CRADD: variants seen among roughly 807,000 people sequenced by gnomAD.
The protein encoded by CRADD is CARD and death domain containing adaptor protein.
Under a neutral mutation model 15.5 loss-of-function variants are expected in CRADD, and 9 were observed. The ratio of observed to expected loss-of-function variants is 0.58; its 90% confidence interval spans 0.35 to 1.01. The LOEUF is 1.01. CRADD is among the 50% of genes least tolerant of loss of function. The pLI, the probability that CRADD is intolerant of heterozygous loss-of-function variation, is 0.02. For missense variants in CRADD, 227 were observed against 250.3 expected, an observed-to-expected ratio of 0.91 and a Z score of 0.63; for synonymous variants, 118 against 107.6, an observed-to-expected ratio of 1.10 and a Z score of -0.60.
chr12:93,883,628 G>A (rs1593060763), intron 2 of CRADD, among the ~76,000 whole-genome samples: 2 of 151,972 alleles, frequency 1.3e-5, no homozygotes, highest in Admixed American at 1.3e-4. Context: ...CATTAGCCTG[G>A]GCAATATAGC....
chr12:93,823,856 C>T (rs544461910), intron 2 of CRADD, among the ~76,000 whole-genome samples: 4 of 152,258 alleles, frequency 2.6e-5, no homozygotes, highest in South Asian at 4.2e-4. Flanking sequence ...AGAGACTGTA[C>T]TAGAAGGAAC....
intron 2 of CRADD, among the ~76,000 whole-genome samples, chr12:93,732,538 G>C (rs1451622114): frequency 6.6e-6 from 1 of 152,150 alleles, no homozygotes; most frequent in African/African-American, 2.4e-5. Context: ...CTTTAAAATG[G>C]TTTTTTGACC....
chr12:93,777,680 T>A (rs1163726353), intron 2 of CRADD, among the ~76,000 whole-genome samples: 1 of 152,206 alleles, frequency 6.6e-6, no homozygotes, highest in African/African-American at 2.4e-5. Context: ...AAGTTATGAT[T>A]TTAAGTGACC....
intron 2 of CRADD, among the ~76,000 whole-genome samples, chr12:93,751,728 GT>G (rs1956830676): frequency 6.6e-6 from 1 of 152,172 alleles, no homozygotes; most frequent in African/African-American, 2.4e-5. Context: ...AGCCAGGGTG[GT>G]GGTGTGTGCC....
intron 2 of CRADD, among the ~76,000 whole-genome samples, chr12:93,818,201 A>T (rs1251360345): frequency 6.6e-6 from 1 of 152,202 alleles, no homozygotes; most frequent in Non-Finnish European, 1.5e-5. Context: ...TCTGTGGAAA[A>T]CCTTGTGTGA....
chr12:93,736,047 ACT>A (rs1295495197), intron 2 of CRADD, among the ~76,000 whole-genome samples: 1 of 151,930 alleles, frequency 6.6e-6, no homozygotes, highest in Non-Finnish European at 1.5e-5. Flanking sequence ...ATAGAGGGAG[ACT>A]CTGTCTCAAA....
chr12:93,834,423 GATTA>G (rs1204318297), intron 2 of CRADD, among the ~76,000 whole-genome samples: 1 of 151,994 alleles, frequency 6.6e-6, no homozygotes, highest in Non-Finnish European at 1.5e-5. Flanking sequence ...CTTTGATTTT[GATTA>G]GTTATGTTAT....
At chr12:93,730,429 C>G (rs1198771522) in intron 2 of CRADD, among the ~76,000 whole-genome samples, 1 of 152,210 alleles carries the variant, frequency 6.6e-6, no homozygotes, top group East Asian at 1.9e-4. Flanking sequence ...AGCCTGCACT[C>G]TCATATATTG....
intron 2 of CRADD, among the ~76,000 whole-genome samples, chr12:93,893,353 T>C (rs977190066): frequency 6.6e-6 from 1 of 152,114 alleles, no homozygotes; most frequent in African/African-American, 2.4e-5. Context: ...CCCTCATTAC[T>C]TTCTGTTTGT....
chr12:93,797,922 C>T (rs1316245969), intron 2 of CRADD, among the ~76,000 whole-genome samples: 1 of 152,216 alleles, frequency 6.6e-6, no homozygotes, highest in South Asian at 2.1e-4. Flanking sequence ...GCAGTCCCAG[C>T]ACCCTATTGA....
intron 2 of CRADD, among the ~76,000 whole-genome samples, chr12:93,860,422 G>A (rs1322117807): frequency 6.6e-6 from 1 of 152,182 alleles, no homozygotes; most frequent in African/African-American, 2.4e-5. Context: ...CCTGCCATGT[G>A]CCAGGCATGA....
chr12:93,729,192 C>G (rs1273665675), intron 2 of CRADD, among the ~76,000 whole-genome samples: 1 of 152,100 alleles, frequency 6.6e-6, no homozygotes, highest in Non-Finnish European at 1.5e-5. Context: ...GTTTTCAGAG[C>G]TTTATGATTT....
chr12:93,684,385 A>G (rs1196314609), intron 2 of CRADD, among the ~76,000 whole-genome samples: 1 of 152,168 alleles, frequency 6.6e-6, no homozygotes, highest in Non-Finnish European at 1.5e-5. Context: ...TGCAGTTCAC[A>G]ATAGGTTCAT....
At chr12:93,696,608 C>T (rs1050449479) in intron 2 of CRADD, among the ~76,000 whole-genome samples, 2 of 151,524 alleles carry the variant, frequency 1.3e-5, no homozygotes, top group Non-Finnish European at 2.9e-5. Flanking sequence ...ATGTTGGTCA[C>T]AGAATGCAAA....
intron 2 of CRADD, among the ~76,000 whole-genome samples, chr12:93,683,733 A>G (rs1215225053): frequency 6.6e-6 from 1 of 152,258 alleles, no homozygotes. Flanking sequence ...TCTGAGTTGC[A>G]TACTTGGATG....
At chr12:93,713,979 C>T (rs572057525) in intron 2 of CRADD, among the ~76,000 whole-genome samples, 8 of 152,200 alleles carry the variant, frequency 5.3e-5, no homozygotes, top group African/African-American at 1.4e-4. Flanking sequence ...GTGGATATCA[C>T]TGTGCAGATG....
intron 2 of CRADD, among the ~76,000 whole-genome samples, chr12:93,739,360 T>C (rs185876182): frequency 4.9e-4 from 74 of 151,882 alleles, no homozygotes; most frequent in Admixed American, 1.0e-3. Flanking sequence ...CTAAAGTATA[T>C]AACATATTAT....
intron 2 of CRADD, among the ~76,000 whole-genome samples, chr12:93,788,850 A>G (rs1286970649): frequency 1.3e-5 from 2 of 152,168 alleles, no homozygotes; most frequent in East Asian, 3.9e-4. Flanking sequence ...CACAGGAGAC[A>G]GGGCACGGGA....
intron 2 of CRADD, among the ~76,000 whole-genome samples, chr12:93,832,626 ATC>A (rs775553862): frequency 1.1e-4 from 16 of 152,228 alleles, no homozygotes; most frequent in Non-Finnish European, 2.1e-4. Context: ...CAGCTTTAAT[ATC>A]TGTTTACATA....
Sources: allele counts gnomAD v4.1 joint callset (sites outside exome capture counted in the v4.1 genomes callset), GRCh38; gene constraint gnomAD v4.1.1; transcripts MANE v1.5; gene names NCBI Gene and HGNC (gene_info 2026-07-23, HGNC 2026-07-21).